Variants in SFMBT2 observed in about 807,000 individuals in gnomAD.
The protein encoded by SFMBT2 is Scm like with four mbt domains 2, also known as scm-like with four MBT domains protein 2.
SFMBT2 carries 38 observed loss-of-function variants against 110.1 expected under a neutral mutation model. The observed-to-expected ratio is 0.35, with a 90% confidence interval of 0.27 to 0.45. SFMBT2 has a LOEUF of 0.45. Among genes scored for constraint, SFMBT2 ranks in the 20% least tolerant of loss-of-function variants. The pLI, the probability that SFMBT2 is intolerant of heterozygous loss-of-function variation, is 1.00. For synonymous variants in SFMBT2, 425 were observed against 425.4 expected (o/e 1.00, Z 0.01); for missense variants, 1,011 against 1,094.9 (o/e 0.92, Z 1.08).
At chr10:7,361,050 C>A (rs1276964659) in intron 4 of SFMBT2, among the ~76,000 whole-genome samples, 3 of 152,122 alleles carry the variant, frequency 2.0e-5, no homozygotes, top group Admixed American at 2.0e-4. Context: ...GTCAAATAAT[C>A]CTACCCTTTC....
At chr10:7,318,410 C>T (rs1328519168) in intron 4 of SFMBT2, among the ~76,000 whole-genome samples, 2 of 151,544 alleles carry the variant, frequency 1.3e-5, no homozygotes, top group African/African-American at 2.4e-5. Flanking sequence ...ATTTTTTTTT[C>T]ACCTCTTTGG....
chr10:7,200,895 T>A, intron 13 of SFMBT2: 2 of 612,974 alleles, frequency 3.3e-6, no homozygotes, highest in Non-Finnish European at 4.1e-6. Flanking sequence ...TCCACTAACC[T>A]TTGATTTCTG....
intron 11 of SFMBT2, among the ~76,000 whole-genome samples, chr10:7,219,471 G>A (rs1425211505): frequency 6.6e-6 from 1 of 152,180 alleles, no homozygotes; most frequent in Non-Finnish European, 1.5e-5. Flanking sequence ...GTATGAGATT[G>A]TAGGCTTATT....
rs71382096 is a variant in SFMBT2, at chr10:7,257,098, A to AAGGGGAGGGGAGGGG, written c.871-8464_871-8450dup. ...CAGAGCGAGACTCCGTTGGAAAGGG[A>AAGGGGAGGGGAGGGG]AGGGGAGGGGAGGGGAGGGGAGGGG... On this transcript the variant is annotated intron_variant, in intron 7 of 20. Transcript: ENST00000397167. 2.7e-3 allele frequency among the ~76,000 whole-genome samples: 205 copies of AAGGGGAGGGGAGGGG among 74,786 alleles called. 4 individuals are homozygous for AAGGGGAGGGGAGGGG. Among genetic ancestry groups the AAGGGGAGGGGAGGGG allele is most frequent in the African/African-American group, 8.3e-3 (149 of 17,846 alleles). The allele number at this position is 74,786 out of a possible 152,430, so 49.1% of individuals were successfully genotyped here. A position where few individuals can be genotyped will look rare whatever the true frequency, so the allele number is the denominator to read the frequency against.
At chr10:7,328,320 T>C (rs1379356007) in intron 4 of SFMBT2, among the ~76,000 whole-genome samples, 2 of 152,242 alleles carry the variant, frequency 1.3e-5, no homozygotes, top group Admixed American at 6.5e-5. Context: ...TGGATTATTT[T>C]TCCTTCCTGT....
rs1842625081 is a variant in SFMBT2, at chr10:7,303,964, G to A, written c.437-18010C>T. ...CTTCCTGCATGTTACTAAGGATCCT[G>A]CGACACCCGACAGAAGGTGCTGGCC... On this transcript the variant is annotated intron_variant, in intron 4 of 20. Coordinates refer to ENST00000397167, the MANE Select transcript of SFMBT2 (RefSeq NM_001387889.1). 2.0e-5 allele frequency among the ~76,000 whole-genome samples: 3 copies of A among 152,254 alleles called. No individual in the cohort carries two copies. In the South Asian group the frequency reaches 6.2e-4, roughly 32 times the overall value.
At chr10:7,240,680 T>C (rs1016782427) in intron 9 of SFMBT2, among the ~76,000 whole-genome samples, 1 of 152,100 alleles carries the variant, frequency 6.6e-6, no homozygotes, top group African/African-American at 2.4e-5. Context: ...TCCTGTTCCT[T>C]CTCCTTGGGA....
chr10:7,323,075 T>C (rs975059400), intron 4 of SFMBT2, among the ~76,000 whole-genome samples: 8 of 152,184 alleles, frequency 5.3e-5, no homozygotes, highest in African/African-American at 1.9e-4. Flanking sequence ...GAAAAATTAT[T>C]TATATTGATA....
intron 14 of SFMBT2, among the ~76,000 whole-genome samples, chr10:7,198,792 G>C (rs1321258250): frequency 6.6e-6 from 1 of 152,020 alleles, no homozygotes; most frequent in East Asian, 1.9e-4. Context: ...TATAATCCTA[G>C]CACTTTGGGA....
intron 4 of SFMBT2, among the ~76,000 whole-genome samples, chr10:7,308,564 G>A (rs185381720): frequency 6.6e-6 from 1 of 152,238 alleles, no homozygotes; most frequent in Admixed American, 6.5e-5. Flanking sequence ...TGGAGATGGG[G>A]ACATAAAACT....
At chr10:7,362,105 C>T (rs753418874) in intron 4 of SFMBT2, among the ~76,000 whole-genome samples, 6 of 152,182 alleles carry the variant, frequency 3.9e-5, no homozygotes, top group Admixed American at 1.3e-4. Flanking sequence ...ACATTTTGCT[C>T]CACTAATAAG....
intron 15 of SFMBT2, among the ~76,000 whole-genome samples, chr10:7,191,666 C>A (rs1485056832): frequency 2.0e-5 from 3 of 152,180 alleles, no homozygotes; most frequent in Admixed American, 2.0e-4. Context: ...TAGGATTATT[C>A]CGTAATTGGC....
In SFMBT2 at chr10:7,385,775, G is replaced by A. The variant is rs566089850; in HGVS notation, c.-51-3826C>T. Reference sequence around the variant, plus strand: ...AGCACTTTGGGAGGCCGAGGCGGGCGGATCACGAGGTCAGGAGATCAAGAC... The same window carrying A: ...AGCACTTTGGGAGGCCGAGGCGGGCAGATCACGAGGTCAGGAGATCAAGAC... On this transcript the variant is annotated intron_variant, in intron 1 of 20. Coordinates refer to ENST00000397167, the MANE Select transcript of SFMBT2 (RefSeq NM_001387889.1). 7.1e-3 allele frequency among the ~76,000 whole-genome samples: 1,079 copies of A among 152,102 alleles called. 11 individuals carry two copies. Among genetic ancestry groups the A allele is most frequent in the Middle Eastern group, 0.037 (11 of 294 alleles).
chr10:7,302,631 G>C (rs2131884400), intron 4 of SFMBT2, among the ~76,000 whole-genome samples: 1 of 152,320 alleles, frequency 6.6e-6, no homozygotes. Flanking sequence ...AAAAGTGATT[G>C]ATTACAAGGA....
chr10:7,349,614 C>T (rs540659066), intron 4 of SFMBT2, among the ~76,000 whole-genome samples: 2 of 151,618 alleles, frequency 1.3e-5, no homozygotes, highest in Admixed American at 6.6e-5. Flanking sequence ...CCCGCCACCA[C>T]ACCCAGCTAA....
At chr10:7,236,770 T>C (rs1840271218) in intron 9 of SFMBT2, among the ~76,000 whole-genome samples, 1 of 152,290 alleles carries the variant, frequency 6.6e-6, no homozygotes, top group South Asian at 2.1e-4. Context: ...AGATGGCTGT[T>C]TGACTACATT....
chr10:7,216,617 C>T (rs568803088), intron 11 of SFMBT2, among the ~76,000 whole-genome samples: 1 of 152,278 alleles, frequency 6.6e-6, no homozygotes, highest in Non-Finnish European at 1.5e-5. Flanking sequence ...CTTGCCAGTG[C>T]CCCATCTGGC....
intron 4 of SFMBT2, among the ~76,000 whole-genome samples, chr10:7,309,716 G>A (rs761171094): frequency 2.6e-5 from 4 of 152,064 alleles, no homozygotes; most frequent in African/African-American, 7.2e-5. Context: ...ATATATGCTC[G>A]CCTTACTCTC....
intron 4 of SFMBT2, among the ~76,000 whole-genome samples, chr10:7,303,000 G>T (rs1842594150): frequency 8.6e-6 from 1 of 116,532 alleles, no homozygotes; most frequent in Admixed American, 9.6e-5. Flanking sequence ...TTTGCAAAAG[G>T]GTTACAATGT....
Sources: gnomAD v4.1 joint callset for allele counts (sites outside exome capture counted in the v4.1 genomes callset) on GRCh38, gnomAD v4.1.1 for gene constraint, MANE v1.5 for transcripts, NCBI Gene and HGNC (gene_info 2026-07-23, HGNC 2026-07-21) for gene names.